RNGTT: variants seen among roughly 807,000 people sequenced by gnomAD.
The protein encoded by RNGTT is mRNA-capping enzyme.
A neutral mutation model predicts 79.3 loss-of-function variants in RNGTT; 33 were observed. That is an observed-to-expected ratio of 0.42 (90% CI 0.32 to 0.56). RNGTT has a LOEUF of 0.56. Ranked by LOEUF, RNGTT falls within the 20% of genes least tolerant of loss-of-function variation. The pLI, the probability that RNGTT is intolerant of heterozygous loss-of-function variation, is 0.17. For synonymous variants in RNGTT, 222 were observed against 235.9 expected, an observed-to-expected ratio of 0.94 and a Z score of 0.54; for missense variants, 497 against 739.1, an observed-to-expected ratio of 0.67 and a Z score of 3.80.
At position 88,853,492 on chromosome 6, in the gene RNGTT, G is replaced by A. The variant is rs9451096; in HGVS notation, c.1032+137C>T. 0.01 allele frequency: 6,302 copies of A among 611,772 alleles called. 366 individuals carry two copies. The African/African-American group carries it at 0.12, about 11-fold the overall frequency. The allele number at this position is 611,772 out of a possible 1,614,324, so 37.9% of individuals were successfully genotyped here. The stretch of plus-strand genomic sequence containing the variant: ...TGCACTCCAGCCTGGGCGACAGAGC[G>A]AGACTCCGTCTCAAAAAAAAAAAAA... On this transcript the variant is annotated intron_variant, in intron 9 of 15. Coordinates refer to ENST00000369485, the MANE Select transcript of RNGTT (RefSeq NM_003800.5).
intron 6 of RNGTT, among the ~76,000 whole-genome samples, chr6:88,902,697 T>C (rs902513647): frequency 3.5e-5 from 5 of 144,056 alleles, no homozygotes; most frequent in African/African-American, 1.3e-4. Context: ...AATCTTTTTT[T>C]TTTTTTTTTT....
chr6:88,881,786 G>GTTT (rs1264059548), intron 8 of RNGTT, among the ~76,000 whole-genome samples: 3 of 152,144 alleles, frequency 2.0e-5, no homozygotes, highest in African/African-American at 7.2e-5. Flanking sequence ...GAGAGGAAAT[G>GTTT]TTTAAAGGAA....
intron 14 of RNGTT, among the ~76,000 whole-genome samples, chr6:88,654,033 AC>A (rs1562173190): frequency 6.6e-6 from 1 of 152,228 alleles, no homozygotes; most frequent in Non-Finnish European, 1.5e-5. Context: ...ACTTTTATCT[AC>A]AACTACTGTA....
chr6:88,779,651 T>A lies in RNGTT; in HGVS notation c.1339-9777A>T, dbSNP rs536310062. Among the ~76,000 whole-genome samples, 5 of 152,248 alleles carry A rather than the reference T, an allele frequency of 3.3e-5. No individual in the cohort carries two copies. The East Asian group carries it at 9.6e-4, about 29-fold the overall frequency. On this transcript the variant is annotated intron_variant, in intron 12 of 15. Transcript: ENST00000369485. ...TTAATTTGGAATACTAGACTTGATA[T>A]TATTAGGAATTTCAAAGCACCTTTA...
At chr6:88,892,005 T>G in intron 6 of RNGTT, 90 bp from the exon 7 acceptor site, 1 of 874,516 alleles carries the variant, frequency 1.1e-6, no homozygotes, top group Non-Finnish European at 1.7e-6. Flanking sequence ...AGAGATAAAT[T>G]AGTTTGTTCT....
intron 11 of RNGTT, among the ~76,000 whole-genome samples, chr6:88,812,646 C>T (rs1780177829): frequency 1.3e-5 from 2 of 152,176 alleles, no homozygotes; most frequent in Non-Finnish European, 2.9e-5. Context: ...ATAACCTGAA[C>T]TGGACAGGGT....
intron 12 of RNGTT, among the ~76,000 whole-genome samples, chr6:88,771,470 G>A (rs1002300984): frequency 2.6e-5 from 4 of 151,110 alleles, no homozygotes; most frequent in African/African-American, 9.7e-5. Context: ...TTGAAAACAG[G>A]CTGTGTAAGT....
chr6:88,677,580 C>A (rs1389108091), intron 14 of RNGTT, among the ~76,000 whole-genome samples: 1 of 152,004 alleles, frequency 6.6e-6, no homozygotes, highest in Non-Finnish European at 1.5e-5. Context: ...GATCCTCTTG[C>A]CTCAGCCTTC....
chr6:88,856,699 C>T (rs1431689432), intron 8 of RNGTT, among the ~76,000 whole-genome samples: 1 of 152,116 alleles, frequency 6.6e-6, no homozygotes, highest in Non-Finnish European at 1.5e-5. Context: ...TTAGTTTGAA[C>T]TCCAGTCATT....
chr6:88,893,802 G>A (rs1783131098), intron 6 of RNGTT, among the ~76,000 whole-genome samples: 1 of 151,482 alleles, frequency 6.6e-6, no homozygotes, highest in Non-Finnish European at 1.5e-5. Context: ...AAAAAGAAAG[G>A]TAGAAGTCCA....
intron 11 of RNGTT, among the ~76,000 whole-genome samples, chr6:88,807,585 C>G (rs556284066): frequency 1.3e-5 from 2 of 151,904 alleles, no homozygotes; most frequent in Non-Finnish European, 2.9e-5. Context: ...GAGACTACAG[C>G]CAAAGACAGA....
intron 11 of RNGTT, among the ~76,000 whole-genome samples, chr6:88,836,017 CACACACATAT>C (rs1454566294): frequency 2.3e-4 from 27 of 115,458 alleles, no homozygotes; most frequent in African/African-American, 8.3e-4. Flanking sequence ...CACACACACA[CACACACATAT>C]ATATATAAGA....
intron 13 of RNGTT, among the ~76,000 whole-genome samples, chr6:88,700,040 G>C (rs1023451444): frequency 6.6e-6 from 1 of 152,124 alleles, no homozygotes; most frequent in Non-Finnish European, 1.5e-5. Context: ...CCACTGATTT[G>C]TACATTTGAA....
intron 6 of RNGTT, among the ~76,000 whole-genome samples, chr6:88,902,623 T>C (rs1049574981): frequency 1.3e-5 from 2 of 152,008 alleles, no homozygotes; most frequent in African/African-American, 2.4e-5. Context: ...AATAAGATTT[T>C]TGCATTGTCT....
At chr6:88,642,372 G>T (rs1273055179) in intron 14 of RNGTT, among the ~76,000 whole-genome samples, 2 of 152,064 alleles carry the variant, frequency 1.3e-5, no homozygotes, top group African/African-American at 2.4e-5. Flanking sequence ...ACTTTAAGAA[G>T]GTAGGGATAC....
intron 11 of RNGTT, among the ~76,000 whole-genome samples, chr6:88,823,727 C>T (rs958945326): frequency 1.3e-5 from 2 of 152,072 alleles, no homozygotes; most frequent in African/African-American, 4.8e-5. Flanking sequence ...TCTAGGCCTT[C>T]ATGGGTGTTC....
At chr6:88,618,052 A>G (rs900843598) in intron 14 of RNGTT, among the ~76,000 whole-genome samples, 5 of 152,134 alleles carry the variant, frequency 3.3e-5, no homozygotes, top group African/African-American at 1.2e-4. Context: ...ATAGCTTATC[A>G]TTCTTGTGTT....
intron 4 of RNGTT, among the ~76,000 whole-genome samples, chr6:88,909,977 A>G (rs1057079879): frequency 3.3e-5 from 5 of 152,138 alleles, no homozygotes; most frequent in African/African-American, 1.2e-4. Flanking sequence ...TTTAAAAAAA[A>G]AAAACCCATT....
chr6:88,767,701 A>C (rs1778511095), intron 13 of RNGTT, among the ~76,000 whole-genome samples: 1 of 144,460 alleles, frequency 6.9e-6, no homozygotes, highest in Admixed American at 6.8e-5. Flanking sequence ...AAAAAAAAAA[A>C]AAACAGCGTA....
Sources: allele counts gnomAD v4.1 joint callset (sites outside exome capture counted in the v4.1 genomes callset), GRCh38; gene constraint gnomAD v4.1.1; transcripts MANE v1.5; gene names NCBI Gene and HGNC (gene_info 2026-07-23, HGNC 2026-07-21).